The following CSNK1G3 variants were observed in gnomAD, a reference collection of about 807,000 sequenced individuals.
CSNK1G3 encodes the protein casein kinase 1 gamma 3.
CSNK1G3 carries 23 observed loss-of-function variants against 64.3 expected under a neutral mutation model. The observed-to-expected ratio is 0.36, with a 90% CI of 0.26 to 0.51. The LOEUF (loss-of-function observed/expected upper bound fraction) is 0.51. Among genes scored for constraint, CSNK1G3 ranks in the 20% least tolerant of loss-of-function variants. The pLI, the probability that CSNK1G3 is intolerant of heterozygous loss-of-function variation, is 0.96. For synonymous variants in CSNK1G3, 158 were observed against 162.2 expected, an observed-to-expected ratio of 0.97 and a Z score of 0.20; for missense variants, 357 against 510.5, an observed-to-expected ratio of 0.70 and a Z score of 2.90.
intron 1 of CSNK1G3, among the ~76,000 whole-genome samples, chr5:123,538,756 AT>A (rs1439797689): frequency 6.6e-6 from 1 of 152,112 alleles, no homozygotes; most frequent in Admixed American, 6.6e-5. Flanking sequence ...TGTTTTTCTT[AT>A]TGTTCAGTTG....
rs769357145 is a variant in CSNK1G3 at position 123,595,112 on chromosome 5, A to G, written c.1086+3698A>G. The stretch of plus-strand genomic sequence containing the variant: ...CATTTGAGAGCTCACCTTGCAGCAG[A>G]CAGACATGGTGGCTCGGTACAGGTA... On this transcript the variant is annotated intron_variant, in intron 10 of 12. Transcript: ENST00000345990. 5 of 1,613,524 alleles carry G rather than the reference A, an allele frequency of 3.1e-6. No individual in the cohort carries two copies. In the African/African-American group the frequency reaches 5.3e-5, roughly 17 times the overall value.
At chr5:123,605,313 A>G (rs1180212504) in intron 11 of CSNK1G3, 26 bp from the exon 13 acceptor site, 51 of 1,195,984 alleles carry the variant, frequency 4.3e-5, no homozygotes, top group Non-Finnish European at 5.4e-5. Context: ...TTTTCCTTGT[A>G]TTTTTTTTTT....
chr5:123,607,128 A>T (rs1270091105), intron 12 of CSNK1G3, among the ~76,000 whole-genome samples: 1 of 151,994 alleles, frequency 6.6e-6, no homozygotes, highest in Non-Finnish European at 1.5e-5. Flanking sequence ...GGCTATTGCT[A>T]TAGGAAGGGT....
At chr5:123,575,149 T>A (rs1419267077) in intron 5 of CSNK1G3, among the ~76,000 whole-genome samples, 1 of 152,184 alleles carries the variant, frequency 6.6e-6, no homozygotes, top group Non-Finnish European at 1.5e-5. Context: ...AATATTAGAG[T>A]TGGATTTCAG....
chr5:123,605,286 TTC>T (rs768630902), intron 11 of CSNK1G3, 51 bp from the exon 13 acceptor site: 188 of 1,453,980 alleles, frequency 1.3e-4, no homozygotes, highest in African/African-American at 4.4e-4. Flanking sequence ...CTGTTTCTGA[TTC>T]TCTCTCTCTC....
chr5:123,572,295 T>C (rs980941908), intron 4 of CSNK1G3, among the ~76,000 whole-genome samples: 4 of 152,188 alleles, frequency 2.6e-5, no homozygotes, highest in African/African-American at 9.7e-5. Flanking sequence ...ATAAAGTAAA[T>C]TGATCACTTA....
chr5:123,555,937 A>G (rs192813513), intron 3 of CSNK1G3, among the ~76,000 whole-genome samples: 283 of 152,282 alleles, frequency 1.9e-3, no homozygotes, highest in Non-Finnish European at 3.4e-3. Flanking sequence ...TGCTATATGT[A>G]TAGAAGGCAC....
chr5:123,593,439 G>A (rs1342831390), intron 10 of CSNK1G3, among the ~76,000 whole-genome samples: 1 of 151,934 alleles, frequency 6.6e-6, no homozygotes, highest in East Asian at 1.9e-4. Context: ...TTAAACCTTT[G>A]TAATGCCCCT....
In CSNK1G3 at chr5:123,609,117, C is replaced by T. The variant is rs537198668; in HGVS notation, c.1217+3755C>T. On this transcript the variant is annotated intron_variant, in intron 12 of 12. Coordinates refer to ENST00000345990, the Ensembl canonical transcript of CSNK1G3. ...CATGCAGGCAGAGAATATATGAACA[C>T]GTTAATGAAAACTGAGATAGGCTAA... Among the ~76,000 whole-genome samples the T allele has an allele frequency of 8.5e-5, 13 of 152,210 alleles. No homozygotes were observed. The South Asian group carries it at 2.3e-3, about 27-fold the overall frequency.
At chr5:123,614,438 A>G in exon 13 of CSNK1G3, 6 of 1,569,170 alleles carry the variant, frequency 3.8e-6, no homozygotes, top group Non-Finnish European at 5.2e-6. Flanking sequence ...TTACATGTTC[A>G]TCTGCTGTCT....
chr5:123,562,118 C>T (rs1000749322), intron 4 of CSNK1G3, among the ~76,000 whole-genome samples: 1 of 152,054 alleles, frequency 6.6e-6, no homozygotes, highest in Non-Finnish European at 1.5e-5. Context: ...TTGAGTAGAT[C>T]TTACTATTTT....
chr5:123,540,585 A>G (rs982647314), intron 1 of CSNK1G3, among the ~76,000 whole-genome samples: 1 of 151,808 alleles, frequency 6.6e-6, no homozygotes, highest in African/African-American at 2.4e-5. Context: ...TTAATTTTCA[A>G]ATTTTGGGAC....
At chr5:123,513,194 T>C (rs114634599) in intron 1 of CSNK1G3, among the ~76,000 whole-genome samples, 10 of 152,174 alleles carry the variant, frequency 6.6e-5, no homozygotes, top group African/African-American at 2.2e-4. Flanking sequence ...AAAATCACTC[T>C]GATGGTTACT....
chr5:123,566,248 G>A (rs533347324), intron 4 of CSNK1G3, among the ~76,000 whole-genome samples: 1 of 152,268 alleles, frequency 6.6e-6, no homozygotes, highest in African/African-American at 2.4e-5. Flanking sequence ...AATTTTGGGG[G>A]AGTGAGGGTG....
At chr5:123,568,848 G>C (rs1787488557) in intron 4 of CSNK1G3, among the ~76,000 whole-genome samples, 1 of 152,110 alleles carries the variant, frequency 6.6e-6, no homozygotes, top group Admixed American at 6.6e-5. Context: ...ACTCAAATTT[G>C]CTTTTTGTCT....
At chr5:123,596,898 C>T (rs1313539501) in intron 10 of CSNK1G3, among the ~76,000 whole-genome samples, 3 of 152,054 alleles carry the variant, frequency 2.0e-5, no homozygotes, top group African/African-American at 7.2e-5. Context: ...GAATCCTTCC[C>T]ACTCCAAAAT....
At chr5:123,523,422 A>G (rs1027473520) in intron 1 of CSNK1G3, among the ~76,000 whole-genome samples, 1 of 152,166 alleles carries the variant, frequency 6.6e-6, no homozygotes, top group Admixed American at 6.5e-5. Context: ...CAGCAGTTAC[A>G]GTGTTTTTTT....
intron 3 of CSNK1G3, among the ~76,000 whole-genome samples, chr5:123,554,434 T>C (rs1158221717): frequency 2.0e-5 from 3 of 152,162 alleles, no homozygotes; most frequent in African/African-American, 7.2e-5. Flanking sequence ...TTTACAGGTC[T>C]AGAAAGCCCA....
At chr5:123,565,762 G>A (rs1786738170) in intron 4 of CSNK1G3, among the ~76,000 whole-genome samples, 1 of 152,152 alleles carries the variant, frequency 6.6e-6, no homozygotes, top group Non-Finnish European at 1.5e-5. Context: ...GGGGAAGCCA[G>A]TTATCACGTG....
Sources: gnomAD v4.1 joint callset for allele counts (sites outside exome capture counted in the v4.1 genomes callset) on GRCh38, gnomAD v4.1.1 for gene constraint, MANE v1.5 for transcripts, NCBI Gene and HGNC (gene_info 2026-07-23, HGNC 2026-07-21) for gene names.